The following ANK3 variants were observed in gnomAD, a reference collection of about 807,000 sequenced individuals.
The protein encoded by ANK3 is ankyrin-3.
ANK3 carries 57 observed loss-of-function variants against 370.9 expected under a neutral mutation model. The observed-to-expected ratio is 0.15, with a 90% CI of 0.12 to 0.19. The LOEUF is 0.19. Ranked by LOEUF, ANK3 falls within the 10% of genes least tolerant of loss-of-function variation. The probability of loss-of-function intolerance (pLI) is 1.00; values close to 1 mark genes in which losing one functional copy is unlikely to be tolerated. For synonymous variants in ANK3, 1,929 were observed against 1,946.3 expected, an observed-to-expected ratio of 0.99 and a Z score of 0.23; for missense variants, 4,439 against 5,302.1, an observed-to-expected ratio of 0.84 and a Z score of 5.06.
At chr10:60,555,304 C>A (rs2077182274) in intron 2 of ANK3, among the ~76,000 whole-genome samples, 1 of 151,714 alleles carries the variant, frequency 6.6e-6, no homozygotes, top group South Asian at 2.1e-4. Context: ...AGACTCCCAT[C>A]TCTATAAAAA....
chr10:60,139,204 C>T (rs1302909796), intron 23 of ANK3, 117 bp from the exon 24 acceptor site: 50 of 1,239,740 alleles, frequency 4.0e-5, no homozygotes, highest in Non-Finnish European at 5.2e-5. Flanking sequence ...TTCACCTTCC[C>T]CTATCACCTG....
intron 2 of ANK3, among the ~76,000 whole-genome samples, chr10:60,610,718 T>C (rs1345275189): frequency 6.6e-6 from 1 of 151,906 alleles, no homozygotes. Flanking sequence ...AGGAAAAAAA[T>C]AAATAAAATG....
chr10:60,730,761 AC>A (rs2132035022), intron 1 of ANK3, among the ~76,000 whole-genome samples: 1 of 152,358 alleles, frequency 6.6e-6, no homozygotes, highest in African/African-American at 2.4e-5. Context: ...GGGAAAAGTT[AC>A]TTCAGATCTG....
At chr10:60,441,819 A>T (rs190068295) in intron 2 of ANK3, among the ~76,000 whole-genome samples, 12 of 152,138 alleles carry the variant, frequency 7.9e-5, no homozygotes, top group Admixed American at 5.9e-4. Flanking sequence ...TAATTTGCTT[A>T]TTTTAACTTT....
upstream of ANK3, among the ~76,000 whole-genome samples, chr10:60,390,557 G>A (rs184074414): frequency 1.4e-4 from 21 of 152,208 alleles, no homozygotes; most frequent in Admixed American, 7.2e-4. Context: ...AGCAGCAGCA[G>A]TGCTCAAGGC....
At chr10:60,675,947 A>C (rs1052866855) in intron 1 of ANK3, among the ~76,000 whole-genome samples, 2 of 152,198 alleles carry the variant, frequency 1.3e-5, no homozygotes, top group Admixed American at 1.3e-4. Flanking sequence ...AATGAAAAAA[A>C]AAAGAATCTA....
chr10:60,472,449 T>TA (rs901528557), intron 2 of ANK3, among the ~76,000 whole-genome samples: 4 of 152,184 alleles, frequency 2.6e-5, no homozygotes, highest in African/African-American at 9.6e-5. Flanking sequence ...AGGGGCATCT[T>TA]AATGTGTTCG....
chr10:60,665,268 CTT>C lies in ANK3; in HGVS notation c.58-50046_58-50045del, dbSNP rs374251493. Among the ~76,000 whole-genome samples the C allele has an allele frequency of 2.8e-3, 421 of 152,274 alleles. 1 individual carries two copies. Among genetic ancestry groups the C allele is most frequent in the African/African-American group, 9.8e-3 (409 of 41,566 alleles). ...ATATACAAGGGTAATATTGTCCACT[CTT>C]ATTTTGTTTGAACTGCCAGAGAATA... is the stretch of plus-strand genomic sequence containing the variant. On this transcript the variant is annotated intron_variant, in intron 1 of 43. Transcript: ENST00000373827.
chr10:60,201,249 C>T (rs2096668854), intron 12 of ANK3, among the ~76,000 whole-genome samples: 1 of 152,188 alleles, frequency 6.6e-6, no homozygotes, highest in Non-Finnish European at 1.5e-5. Context: ...CTAGGAAAGA[C>T]TGTATTTCAT....
intron 2 of ANK3, among the ~76,000 whole-genome samples, chr10:60,453,438 G>A (rs932925096): frequency 9.2e-5 from 14 of 152,098 alleles, no homozygotes; most frequent in Admixed American, 5.2e-4. Flanking sequence ...AATAGTCTTC[G>A]TGGTGTTCTG....
At chr10:60,232,367 C>A (rs1220482479) in intron 8 of ANK3, among the ~76,000 whole-genome samples, 10 of 126,140 alleles carry the variant, frequency 7.9e-5, no homozygotes, top group Non-Finnish European at 1.9e-4. Context: ...TACAAATGTT[C>A]CTTTTTCTCC....
Position 60,172,463 on chromosome 10 carries a change from G to A in ANK3, c.2383-60C>T, listed in dbSNP as rs2095817831. The A allele has an allele frequency of 2.2e-6, 3 of 1,379,296 alleles. No homozygotes were observed. In the Admixed American group the frequency reaches 5.4e-5, roughly 25 times the overall value. 85.4% of individuals were successfully genotyped at this position (1,379,296 alleles called of 1,614,324 possible). On this transcript the variant is annotated intron_variant, in intron 20 of 43. Transcript: ENST00000280772. Reference sequence around the variant, plus strand: ...AGCCTTATTCCACATTTTTTTTGCTGATACAAAATGTAAGGTGAGTGTCTC... The same window carrying A: ...AGCCTTATTCCACATTTTTTTTGCTAATACAAAATGTAAGGTGAGTGTCTC...
chr10:60,396,854 T>C (rs2063250677), intron 2 of ANK3, among the ~76,000 whole-genome samples: 1 of 152,180 alleles, frequency 6.6e-6, no homozygotes, highest in Non-Finnish European at 1.5e-5. Context: ...TCTGTATCTG[T>C]AACATGAAAG....
Position 60,234,680 on chromosome 10 carries a change from A to T in ANK3, c.897+8T>A, listed in dbSNP as rs369235645. On this transcript the variant is annotated splice_region_variant and intron_variant, in intron 8 of 43. Coordinates refer to ENST00000280772, the MANE Select transcript of ANK3 (RefSeq NM_020987.5). ...AAGTAGAAGCAGGTACATAAGTTGC[A>T]CACTTACCCTGGTTTTGGCATCGAT... 1.3e-6 allele frequency: 2 copies of T among 1,588,246 alleles called. No homozygotes were observed. Among genetic ancestry groups the T allele is most frequent in the Non-Finnish European group, 1.7e-6 (2 of 1,156,916 alleles).
intron 2 of ANK3, among the ~76,000 whole-genome samples, chr10:60,530,764 C>T (rs1042746950): frequency 6.6e-6 from 1 of 152,116 alleles, no homozygotes; most frequent in Non-Finnish European, 1.5e-5. Context: ...CCACTGTTTG[C>T]TAGCTCTACA....
intron 1 of ANK3, among the ~76,000 whole-genome samples, chr10:60,620,645 T>C (rs947855428): frequency 2.0e-5 from 3 of 152,202 alleles, no homozygotes; most frequent in African/African-American, 7.2e-5. Flanking sequence ...GTTTTTATAT[T>C]GACCACTAGA....
intron 1 of ANK3, among the ~76,000 whole-genome samples, chr10:60,389,201 C>A (rs1172862646): frequency 6.6e-6 from 1 of 152,072 alleles, no homozygotes; most frequent in South Asian, 2.1e-4. Flanking sequence ...GCACACTTTC[C>A]GCATAGCCCT....
intron 1 of ANK3, among the ~76,000 whole-genome samples, chr10:60,338,792 G>C (rs1322396343): frequency 2.6e-5 from 4 of 152,150 alleles, no homozygotes; most frequent in African/African-American, 7.2e-5. Flanking sequence ...TTCCCCCATA[G>C]CGGGAGTTTA....
rs1049777451 is a variant in ANK3 at position 60,028,192 on chromosome 10, A to G, written c.*1654T>C. ...CAGATGTGGGCAAAGCTTACTTGTCAATTAATCTTTAATTCTTGGCTCCCC... is the reference window on the plus strand; with the variant it reads ...CAGATGTGGGCAAAGCTTACTTGTCGATTAATCTTTAATTCTTGGCTCCCC... On this transcript the variant is annotated 3_prime_UTR_variant, in exon 44 of 44. Transcript: ENST00000280772. 6.6e-6 allele frequency: 1 copy of G among 152,222 alleles called. No homozygotes were observed. Among genetic ancestry groups the G allele is most frequent in the African/African-American group, 2.4e-5 (1 of 41,442 alleles). The allele number at this position is 152,222 out of a possible 1,614,324, so 9.4% of individuals were successfully genotyped here. A position where few individuals can be genotyped will look rare whatever the true frequency, so the allele number is the denominator to read the frequency against.
Sources: gnomAD v4.1 joint callset for allele counts (sites outside exome capture counted in the v4.1 genomes callset) on GRCh38, gnomAD v4.1.1 for gene constraint, MANE v1.5 for transcripts, NCBI Gene and HGNC (gene_info 2026-07-23, HGNC 2026-07-21) for gene names.